PTPRT: variants seen among roughly 807,000 people sequenced by gnomAD.
PTPRT encodes receptor-type tyrosine-protein phosphatase T.
Under a neutral mutation model 176.8 loss-of-function variants are expected in PTPRT, and 56 were observed. That is an observed-to-expected ratio of 0.32 (90% CI 0.26 to 0.40). The LOEUF is 0.40. Among genes scored for constraint, PTPRT ranks in the 10% least tolerant of loss-of-function variants. The probability of loss-of-function intolerance (pLI) is 1.00; values close to 1 mark genes in which losing one functional copy is unlikely to be tolerated. For synonymous variants in PTPRT, 783 were observed against 739.0 expected (o/e 1.06, Z -0.96); for missense variants, 1,540 against 1,908.2 (o/e 0.81, Z 3.60).
chr20:42,115,992 A>T, intron 21 of PTPRT: 1 of 716,106 alleles, frequency 1.4e-6, no homozygotes, highest in Non-Finnish European at 2.6e-6. Flanking sequence ...CTCATGGATG[A>T]AAAAGAGATC....
intron 13 of PTPRT, among the ~76,000 whole-genome samples, chr20:42,256,661 C>T (rs1284902151): frequency 7.0e-6 from 1 of 141,900 alleles, no homozygotes; most frequent in Admixed American, 7.6e-5. Flanking sequence ...TCACATCAGA[C>T]AGCATTCAAC....
chr20:43,106,879 C>T (rs1227060882), intron 1 of PTPRT, among the ~76,000 whole-genome samples: 4 of 152,072 alleles, frequency 2.6e-5, no homozygotes, highest in Non-Finnish European at 5.9e-5. Flanking sequence ...CAACCTCCGC[C>T]TCCCAGGTTC....
chr20:42,205,882 A>T (rs991369382), intron 15 of PTPRT, among the ~76,000 whole-genome samples: 4 of 152,164 alleles, frequency 2.6e-5, no homozygotes, highest in Non-Finnish European at 4.4e-5. Context: ...GTCCTCTTTG[A>T]ATCCAGGATG....
At chr20:42,858,345 A>C (rs1316289295) in intron 2 of PTPRT, among the ~76,000 whole-genome samples, 2 of 152,218 alleles carry the variant, frequency 1.3e-5, no homozygotes, top group African/African-American at 4.8e-5. Context: ...AGAGGAGACA[A>C]GGGTAGGGAG....
At chr20:42,998,684 C>T (rs894620820) in intron 1 of PTPRT, among the ~76,000 whole-genome samples, 3 of 152,114 alleles carry the variant, frequency 2.0e-5, no homozygotes, top group Non-Finnish European at 2.9e-5. Flanking sequence ...ATTCAATAAG[C>T]GATTGCATCA....
chr20:42,419,699 C>T (rs1233320918), intron 9 of PTPRT, among the ~76,000 whole-genome samples: 2 of 152,128 alleles, frequency 1.3e-5, no homozygotes, highest in Non-Finnish European at 2.9e-5. Context: ...TTACTTCCTC[C>T]TATAATTTCT....
At chr20:42,155,048 T>C (rs1456418838) in intron 17 of PTPRT, among the ~76,000 whole-genome samples, 1 of 152,210 alleles carries the variant, frequency 6.6e-6, no homozygotes. Flanking sequence ...GTTTTCTTAG[T>C]GGTTCTCAGC....
intron 4 of PTPRT, among the ~76,000 whole-genome samples, chr20:42,774,591 C>T (rs957266502): frequency 6.6e-6 from 1 of 152,234 alleles, no homozygotes; most frequent in Non-Finnish European, 1.5e-5. Flanking sequence ...CAGGCTCTAT[C>T]AATCTGCGGT....
intron 16 of PTPRT, among the ~76,000 whole-genome samples, chr20:42,183,098 A>C (rs1934387181): frequency 1.3e-5 from 2 of 152,292 alleles, no homozygotes; most frequent in South Asian, 4.1e-4. Context: ...AAACCGACTC[A>C]ATCCTTCCTT....
chr20:42,836,031 C>T (rs2078175186), intron 2 of PTPRT, among the ~76,000 whole-genome samples: 1 of 152,014 alleles, frequency 6.6e-6, no homozygotes, highest in Non-Finnish European at 1.5e-5. Context: ...CCTCTGTTTG[C>T]CCCTGGTCTA....
intron 2 of PTPRT, among the ~76,000 whole-genome samples, chr20:42,863,147 A>G (rs971568232): frequency 2.6e-5 from 4 of 152,342 alleles, no homozygotes; most frequent in Non-Finnish European, 5.9e-5. Flanking sequence ...TGTGATAGGA[A>G]ATCCCGTGCT....
chr20:43,083,355 T>TATATAC (rs1568774235), intron 1 of PTPRT, among the ~76,000 whole-genome samples: 10 of 127,294 alleles, frequency 7.9e-5, no homozygotes, highest in East Asian at 2.1e-4. Context: ...TATATATATA[T>TATATAC]ATATATATAT....
At chr20:42,063,730 G>A in the PTPRT span, 1 of 152,174 alleles carries the variant, frequency 6.6e-6, no homozygotes, top group Non-Finnish European at 1.5e-5. Flanking sequence ...ATTGTCTGGA[G>A]AGGTGAGAAG....
intron 1 of PTPRT, among the ~76,000 whole-genome samples, chr20:42,927,219 G>C (rs902160332): frequency 5.3e-5 from 8 of 152,144 alleles, no homozygotes; most frequent in South Asian, 2.1e-4. Flanking sequence ...TAAGTTAATG[G>C]GAAGAGCAAA....
intron 7 of PTPRT, among the ~76,000 whole-genome samples, chr20:42,539,752 T>C (rs901353239): frequency 1.3e-5 from 2 of 150,358 alleles, no homozygotes; most frequent in Non-Finnish European, 3.0e-5. Context: ...CCAAGGAACA[T>C]TCAGAAAACA....
chr20:42,283,663 G>A (rs993314619), intron 12 of PTPRT, among the ~76,000 whole-genome samples: 2 of 151,990 alleles, frequency 1.3e-5, no homozygotes, highest in Non-Finnish European at 2.9e-5. Context: ...AACCCAAGGG[G>A]AGAGAGTGCT....
At chr20:42,631,641 T>C (rs1373852893) in intron 7 of PTPRT, among the ~76,000 whole-genome samples, 8 of 152,058 alleles carry the variant, frequency 5.3e-5, no homozygotes, top group Non-Finnish European at 1.5e-5. Context: ...GGGGATGAAA[T>C]GGTAAAACAT....
intron 2 of PTPRT, among the ~76,000 whole-genome samples, chr20:42,853,117 C>T (rs2078504505): frequency 6.6e-6 from 1 of 152,196 alleles, no homozygotes; most frequent in Non-Finnish European, 1.5e-5. Context: ...TCTACATTAA[C>T]TCAGCATTGT....
At chr20:43,100,955 C>T (rs2012372599) in intron 1 of PTPRT, among the ~76,000 whole-genome samples, 1 of 152,120 alleles carries the variant, frequency 6.6e-6, no homozygotes, top group African/African-American at 2.4e-5. Flanking sequence ...TACTAAAATT[C>T]CCAGGCAAAG....
Sources: allele counts gnomAD v4.1 joint callset (sites outside exome capture counted in the v4.1 genomes callset), GRCh38; gene constraint gnomAD v4.1.1; transcripts MANE v1.5; gene names NCBI Gene and HGNC (gene_info 2026-07-23, HGNC 2026-07-21).